ZSCAN25: variants seen among roughly 807,000 people sequenced by gnomAD.
ZSCAN25 encodes zinc finger and SCAN domain containing 25, also known as zinc finger and SCAN domain-containing protein 25.
A neutral mutation model predicts 38.7 loss-of-function variants in ZSCAN25; 27 were observed. That is an observed-to-expected ratio of 0.70 (90% CI 0.51 to 0.96). ZSCAN25 has a LOEUF of 0.96. ZSCAN25 is among the 40% of genes least tolerant of loss of function. The probability of loss-of-function intolerance (pLI) is 0.00; values close to 1 mark genes in which losing one functional copy is unlikely to be tolerated. For missense variants in ZSCAN25, 637 were observed against 705.9 expected, an observed-to-expected ratio of 0.90 and a Z score of 1.11; for synonymous variants, 273 against 277.7, an observed-to-expected ratio of 0.98 and a Z score of 0.17.
At position 99,630,638 on chromosome 7, in the gene ZSCAN25, G is replaced by C. The variant is rs951494385; in HGVS notation, c.*618G>C. 2.0e-6 allele frequency: 2 copies of C among 985,550 alleles called. No individual in the cohort carries two copies. Among genetic ancestry groups the C allele is most frequent in the Non-Finnish European group, 2.4e-6 (2 of 830,140 alleles). 61.1% of individuals were successfully genotyped at this position (985,550 alleles called of 1,614,324 possible). A position where few individuals can be genotyped will look rare whatever the true frequency, so the allele number is the denominator to read the frequency against. On this transcript the variant is annotated 3_prime_UTR_variant, in exon 8 of 8. Transcript: ENST00000394152. The stretch of plus-strand genomic sequence containing the variant: ...GACCACTCCTGCCCTCCTGCCCCGT[G>C]CTGGATCTTCCCTCCCCAGCTGGGA...
chr7:99,652,571 T>TCA, the ZSCAN25 span: 1 of 1,611,716 alleles, frequency 6.2e-7, no homozygotes, highest in African/African-American at 1.3e-5. Context: ...GCGGAACTCC[T>TCA]CAGGCTCTGT....
At chr7:99,621,699 G>T (rs1806980592) in intron 5 of ZSCAN25, 125 bp downstream of exon 5, 1 of 785,144 alleles carries the variant, frequency 1.3e-6, no homozygotes, top group South Asian at 6.2e-5. Context: ...GAATTTTCTT[G>T]GCTACTTCCT....
In ZSCAN25 at chr7:99,629,501, G is replaced by A. The variant is rs1332600937; in HGVS notation, c.1116G>A (p.Glu372=). ...NLVRHQRTHE[E]KSYGCVECGK... The stretch of plus-strand genomic sequence containing the variant: ...TCAGGCACCAGCGAACCCACGAAGA[G>A]AAGTCTTATGGCTGTGTGGAGTGTG... The change falls in exon 8 of 8, where the codon GAG becomes GAA. Residue 372 remains glutamate, a synonymous_variant. Coordinates refer to ENST00000394152, the MANE Select transcript of ZSCAN25 (RefSeq NM_145115.3). The surrounding 1 kb of genome is among the most constrained non-coding windows in gnomAD (Gnocchi z 5.6). 1 of 1,614,236 alleles carries A rather than the reference G, an allele frequency of 6.2e-7. No homozygotes were observed.
the ZSCAN25 span, among the ~76,000 whole-genome samples, chr7:99,680,297 C>CTTTT: frequency 1.9e-4 from 29 of 152,196 alleles, no homozygotes; most frequent in Non-Finnish European, 3.8e-4. Flanking sequence ...ACCTACACAT[C>CTTTT]TTTACCCACG....
the ZSCAN25 span, chr7:99,660,503 T>C: frequency 1.2e-5 from 19 of 1,610,258 alleles, no homozygotes; most frequent in Non-Finnish European, 1.6e-5. Flanking sequence ...CCTCACCTTA[T>C]TGGGCAAAAC....
the ZSCAN25 span, chr7:99,730,898 G>A: frequency 5.6e-6 from 5 of 886,702 alleles, no homozygotes; most frequent in Non-Finnish European, 8.4e-6. Context: ...TAGCAAGAGA[G>A]CCCCAGGGTA....
chr7:99,663,887 C>T, the ZSCAN25 span: 1 of 1,460,414 alleles, frequency 6.8e-7, no homozygotes, highest in South Asian at 1.6e-5. Flanking sequence ...TTTAAAAATA[C>T]AGATACATGC....
chr7:99,648,263 C>A, the ZSCAN25 span: 1 of 1,597,344 alleles, frequency 6.3e-7, no homozygotes, highest in East Asian at 2.2e-5. Context: ...TGTTCTGGGG[C>A]ACAGCTTTCT....
the ZSCAN25 span, among the ~76,000 whole-genome samples, chr7:99,682,878 T>C: frequency 3.3e-5 from 5 of 152,196 alleles, no homozygotes; most frequent in African/African-American, 1.2e-4. Flanking sequence ...TTTGGGGTTA[T>C]TGTAAATGGG....
the ZSCAN25 span, among the ~76,000 whole-genome samples, chr7:99,664,328 G>C: frequency 6.6e-6 from 1 of 152,180 alleles, no homozygotes; most frequent in Non-Finnish European, 1.5e-5. Flanking sequence ...TGAGTCTTTG[G>C]AGTGACCAAA....
At chr7:99,698,418 A>G in the ZSCAN25 span, among the ~76,000 whole-genome samples, 1 of 152,070 alleles carries the variant, frequency 6.6e-6, no homozygotes, top group African/African-American at 2.4e-5. Context: ...CTACCCTGAG[A>G]GCTGAGGAAT....
chr7:99,629,367 C>T lies in ZSCAN25; in HGVS notation c.982C>T (p.Gln328Ter). ...CAGTGCGCCTGGGCTTCCTCCTCCC[C>T]AGCACGGTGCCATCCCCCTGCCTGA... ...AGSAPGLPPP[Q>*]HGAIPLPDEV... The change falls in exon 8 of 8, where the codon CAG (glutamine) becomes TAG (stop). Residue 328 changes from glutamine (Q) to a stop codon, truncating the protein, a stop_gained. Coordinates refer to ENST00000394152, the MANE Select transcript of ZSCAN25 (RefSeq NM_145115.3). LOFTEE classifies it low-confidence loss of function (END_TRUNC). The surrounding 1 kb of genome is among the most constrained non-coding windows in gnomAD (Gnocchi z 5.6). The T allele has an allele frequency of 6.2e-7, 1 of 1,614,194 alleles. No individual in the cohort carries two copies.
At chr7:99,716,503 C>T in the ZSCAN25 span, among the ~76,000 whole-genome samples, 1 of 152,092 alleles carries the variant, frequency 6.6e-6, no homozygotes, top group African/African-American at 2.4e-5. Context: ...AATATAATGA[C>T]AAATGATGTC....
At chr7:99,658,816 C>T in the ZSCAN25 span, 3 of 152,158 alleles carry the variant, frequency 2.0e-5, no homozygotes, top group African/African-American at 7.2e-5. Flanking sequence ...TCTCTTCTTT[C>T]TTCATTTCAT....
intron 1 of ZSCAN25, among the ~76,000 whole-genome samples, chr7:99,617,388 GC>G (rs1806561366): frequency 6.6e-6 from 1 of 152,238 alleles, no homozygotes; most frequent in Non-Finnish European, 1.5e-5. Flanking sequence ...TGATGAGCCA[GC>G]CTGGTCAACA....
At chr7:99,729,915 T>C in the ZSCAN25 span, among the ~76,000 whole-genome samples, 1 of 152,314 alleles carries the variant, frequency 6.6e-6, no homozygotes, top group East Asian at 1.9e-4. Flanking sequence ...GGTGGTCTCC[T>C]CACACGGACG....
At chr7:99,705,409 ATT>A in the ZSCAN25 span, 2 of 1,426,692 alleles carry the variant, frequency 1.4e-6, no homozygotes, top group Non-Finnish European at 2.0e-6. Context: ...GCCCGTCTTC[ATT>A]TCAGGGTTCT....
chr7:99,685,033 A>T, the ZSCAN25 span: 1 of 816,544 alleles, frequency 1.2e-6, no homozygotes. Context: ...AGTACAGTGG[A>T]TGAAGCCCAT....
At chr7:99,649,173 G>A in the ZSCAN25 span, among the ~76,000 whole-genome samples, 2 of 152,132 alleles carry the variant, frequency 1.3e-5, no homozygotes, top group South Asian at 2.1e-4. Context: ...CCTGTCCCAG[G>A]TGTGCCAGAG....
Sources: allele counts gnomAD v4.1 joint callset (sites outside exome capture counted in the v4.1 genomes callset), GRCh38; gene constraint gnomAD v4.1.1; non-coding constraint Gnocchi (gnomAD v3.1); transcripts MANE v1.5; gene names NCBI Gene and HGNC (gene_info 2026-07-23, HGNC 2026-07-21).